The following POLR3B variants were observed in gnomAD, a reference collection of about 807,000 sequenced individuals.
The protein encoded by POLR3B is DNA-directed RNA polymerase III subunit RPC2.
Under a neutral mutation model 147.4 loss-of-function variants are expected in POLR3B, and 96 were observed. The ratio of observed to expected loss-of-function variants is 0.65; its 90% CI spans 0.55 to 0.77. POLR3B has a LOEUF of 0.77. POLR3B is among the 30% of genes least tolerant of loss of function. POLR3B has a pLI of 0.00. For missense variants in POLR3B, 1,036 were observed against 1,413.5 expected, an observed-to-expected ratio of 0.73 and a Z score of 4.28; for synonymous variants, 461 against 485.9, an observed-to-expected ratio of 0.95 and a Z score of 0.67.
chr12:106,370,877 C>T (rs916022098), intron 6 of POLR3B, among the ~76,000 whole-genome samples: 11 of 152,038 alleles, frequency 7.2e-5, no homozygotes, highest in African/African-American at 2.7e-4. Context: ...GGTGATCCGC[C>T]CGCCTTGGAC....
intron 12 of POLR3B, among the ~76,000 whole-genome samples, chr12:106,419,308 C>G (rs1394948961): frequency 1.3e-5 from 2 of 152,162 alleles, no homozygotes; most frequent in Non-Finnish European, 2.9e-5. Context: ...CCAGGCTTTT[C>G]TATCTGAAAA....
At chr12:106,380,411 CAAAA>C (rs147457953) in intron 9 of POLR3B, among the ~76,000 whole-genome samples, 2 of 99,002 alleles carry the variant, frequency 2.0e-5, no homozygotes, top group African/African-American at 3.7e-5. Context: ...CCATCTCTAC[CAAAA>C]AAAAAAAAAA....
chr12:106,496,621 C>T (rs1032300777), intron 24 of POLR3B, 131 bp from the exon 25 acceptor site: 5 of 808,512 alleles, frequency 6.2e-6, no homozygotes, highest in African/African-American at 1.7e-5. Flanking sequence ...ACATGTCAAG[C>T]TTAAATACTG....
At chr12:106,419,058 G>A (rs1210019578) in intron 12 of POLR3B, among the ~76,000 whole-genome samples, 1 of 152,170 alleles carries the variant, frequency 6.6e-6, no homozygotes, top group Non-Finnish European at 1.5e-5. Context: ...TTGTTGTTTA[G>A]GTTAAGGGCA....
chr12:106,475,655 T>G (rs1228501944), intron 23 of POLR3B, among the ~76,000 whole-genome samples: 1 of 144,372 alleles, frequency 6.9e-6, no homozygotes, highest in Non-Finnish European at 1.5e-5. Flanking sequence ...TTTGTTGGTT[T>G]AAAGTCTGTT....
At chr12:106,375,470 C>G (rs2036665347) in intron 6 of POLR3B, among the ~76,000 whole-genome samples, 1 of 152,152 alleles carries the variant, frequency 6.6e-6, no homozygotes, top group South Asian at 2.1e-4. Context: ...TAGTCGCTCT[C>G]TCTCTATCCT....
chr12:106,469,856 G>T (rs573691223), intron 23 of POLR3B, among the ~76,000 whole-genome samples: 1 of 152,188 alleles, frequency 6.6e-6, no homozygotes, highest in Non-Finnish European at 1.5e-5. Flanking sequence ...TGGGTAACCC[G>T]AGCTTTCTCT....
intron 1 of POLR3B, chr12:106,358,202 G>A: frequency 3.5e-6 from 5 of 1,418,578 alleles, no homozygotes; most frequent in Non-Finnish European, 4.6e-6. Flanking sequence ...TGGCTCTAGG[G>A]TTGGAGCTCT....
intron 12 of POLR3B, among the ~76,000 whole-genome samples, chr12:106,426,762 C>A (rs2037442725): frequency 1.3e-5 from 2 of 148,670 alleles, no homozygotes; most frequent in South Asian, 2.1e-4. Flanking sequence ...GTGATTGTAC[C>A]AATTTATACC....
chr12:106,366,266 G>A (rs2036534375), intron 2 of POLR3B, among the ~76,000 whole-genome samples: 1 of 152,182 alleles, frequency 6.6e-6, no homozygotes, highest in African/African-American at 2.4e-5. Flanking sequence ...ATTTCCGAGA[G>A]TCAGATTGCT....
Position 106,504,379 on chromosome 12 carries a change from C to G in POLR3B, c.3272+125C>G, listed in dbSNP as rs1410662087. 1 of 788,714 alleles carries G rather than the reference C, an allele frequency of 1.3e-6. No individual in the cohort carries two copies. Among genetic ancestry groups the G allele is most frequent in the African/African-American group, 1.7e-5 (1 of 59,272 alleles). The allele number at this position is 788,714 out of a possible 1,614,324, so 48.9% of individuals were successfully genotyped here. ...GTCTGTGATCACTAACATACCCTCCCTCATGCATGTATTCCTGTCATTGGG... is the reference window on the plus strand; with the variant it reads ...GTCTGTGATCACTAACATACCCTCCGTCATGCATGTATTCCTGTCATTGGG... On this transcript the variant is annotated intron_variant, in intron 27 of 27. Coordinates refer to ENST00000228347, the MANE Select transcript of POLR3B (RefSeq NM_018082.6). This position sits in a 1 kb window ranked among gnomAD's most constrained non-coding sequence, Gnocchi z 4.6.
intron 16 of POLR3B, among the ~76,000 whole-genome samples, chr12:106,434,175 T>C (rs1176769655): frequency 6.6e-6 from 1 of 152,176 alleles, no homozygotes; most frequent in East Asian, 1.9e-4. Flanking sequence ...GGAGACACTA[T>C]ATGTGTAAGG....
chr12:106,365,443 C>T (rs2136881428), intron 2 of POLR3B, among the ~76,000 whole-genome samples: 1 of 152,282 alleles, frequency 6.6e-6, no homozygotes, highest in Admixed American at 6.5e-5. Flanking sequence ...TGGATTTGAA[C>T]TCCTGAGTTT....
chr12:106,509,350 C>G, intron 27 of POLR3B, 70 bp from the exon 28 acceptor site: 1 of 1,531,136 alleles, frequency 6.5e-7, no homozygotes, highest in Non-Finnish European at 9.0e-7. Context: ...AGAGACCATT[C>G]TCACTTCCTA....
At chr12:106,496,191 C>G in intron 24 of POLR3B, 33 bp downstream of exon 24, 1 of 1,269,848 alleles carries the variant, frequency 7.9e-7, no homozygotes, top group Non-Finnish European at 1.2e-6. Flanking sequence ...AGAGGCATTG[C>G]CTTTAAGGAA....
At chr12:106,457,891 A>T (rs1268137271) in intron 21 of POLR3B, among the ~76,000 whole-genome samples, 3 of 152,152 alleles carry the variant, frequency 2.0e-5, no homozygotes, top group Non-Finnish European at 4.4e-5. Flanking sequence ...AATCTGAAGG[A>T]TAGGGAAGAG....
At chr12:106,503,762 G>A (rs2038640329) in intron 26 of POLR3B, among the ~76,000 whole-genome samples, 1 of 152,172 alleles carries the variant, frequency 6.6e-6, no homozygotes, top group African/African-American at 2.4e-5. Flanking sequence ...TAATGATAGT[G>A]ATGGTAATAG....
rs560709309 is a variant in POLR3B, at chr12:106,389,927, C to T, written c.724-3104C>T. Among the ~76,000 whole-genome samples the T allele has an allele frequency of 3.0e-3, 456 of 152,158 alleles. 2 individuals carry two copies. The highest frequency in any genetic ancestry group is 8.2e-3 in the African/African-American group (342 of 41,528). ...GTCTCTTAAAAAAGTTGGCTGGGCG[C>T]GGTGGCTTTGGCCAGGCGTGGTGAC... On this transcript the variant is annotated intron_variant, in intron 9 of 27. Transcript: ENST00000228347.
intron 23 of POLR3B, among the ~76,000 whole-genome samples, chr12:106,489,901 A>C (rs1312727744): frequency 6.6e-6 from 1 of 152,044 alleles, no homozygotes; most frequent in Non-Finnish European, 1.5e-5. Flanking sequence ...GGGAGGGGAG[A>C]AGGAGGCTGG....
Sources: gnomAD v4.1 joint callset for allele counts (sites outside exome capture counted in the v4.1 genomes callset) on GRCh38, gnomAD v4.1.1 for gene constraint, Gnocchi (gnomAD v3.1) non-coding constraint, MANE v1.5 for transcripts, NCBI Gene and HGNC (gene_info 2026-07-23, HGNC 2026-07-21) for gene names.